Variants in DAB1 observed in about 807,000 individuals in gnomAD.
DAB1 encodes the protein disabled homolog 1.
DAB1 carries 15 observed loss-of-function variants against 64.6 expected under a neutral mutation model. The observed-to-expected ratio is 0.23, with a 90% CI of 0.16 to 0.36. The LOEUF is 0.36. Ranked by LOEUF, DAB1 falls within the 10% of genes least tolerant of loss-of-function variation. DAB1 has a pLI of 1.00. For missense variants in DAB1, 596 were observed against 706.7 expected (o/e 0.84, Z 1.78); for synonymous variants, 235 against 251.9 (o/e 0.93, Z 0.64).
chr1:58,462,142 C>T (rs1323802413), intron 3 of DAB1, among the ~76,000 whole-genome samples: 1 of 124,694 alleles, frequency 8.0e-6, no homozygotes, highest in Non-Finnish European at 1.6e-5. Context: ...TTTTTTGAGA[C>T]GGAGTCTCGC....
At chr1:58,182,520 A>T (rs1229698652) in intron 4 of DAB1, among the ~76,000 whole-genome samples, 1 of 151,904 alleles carries the variant, frequency 6.6e-6, no homozygotes, top group Non-Finnish European at 1.5e-5. Context: ...AGTCCTATTT[A>T]TCTATCTTCA....
At chr1:57,084,528 C>T (rs1003497044) in intron 4 of DAB1, among the ~76,000 whole-genome samples, 10 of 152,182 alleles carry the variant, frequency 6.6e-5, no homozygotes, top group African/African-American at 2.4e-4. Context: ...TTTTTATCTT[C>T]AGGTCCTTTT....
intron 1 of DAB1, among the ~76,000 whole-genome samples, chr1:57,340,891 T>C (rs1216704256): frequency 6.6e-6 from 1 of 152,194 alleles, no homozygotes; most frequent in Non-Finnish European, 1.5e-5. Context: ...AACACTCACT[T>C]TACCTCTTTT....
intron 4 of DAB1, among the ~76,000 whole-genome samples, chr1:57,080,133 C>T (rs1275225180): frequency 6.6e-6 from 1 of 152,174 alleles, no homozygotes; most frequent in Non-Finnish European, 1.5e-5. Flanking sequence ...GCATTAAGCA[C>T]ATTCACATTG....
chr1:57,595,447 G>A (rs945584562), intron 7 of DAB1, among the ~76,000 whole-genome samples: 2 of 152,116 alleles, frequency 1.3e-5, no homozygotes, highest in Non-Finnish European at 2.9e-5. Flanking sequence ...TATGTGGTAA[G>A]CAGTAGACGT....
intron 5 of DAB1, among the ~76,000 whole-genome samples, chr1:58,118,470 A>T (rs1477054185): frequency 1.5e-4 from 2 of 13,250 alleles, no homozygotes; most frequent in Admixed American, 1.1e-3. Context: ...ATCCTAAGGC[A>T]TATATATATA....
chr1:58,238,834 T>C (rs771494262), intron 4 of DAB1, among the ~76,000 whole-genome samples: 2 of 152,172 alleles, frequency 1.3e-5, no homozygotes, highest in African/African-American at 2.4e-5. Context: ...TGTGCTTTCT[T>C]ATACTTCTGC....
intron 1 of DAB1, among the ~76,000 whole-genome samples, chr1:57,854,851 T>C (rs1055724437): frequency 6.6e-6 from 1 of 152,200 alleles, no homozygotes; most frequent in Non-Finnish European, 1.5e-5. Flanking sequence ...GCCTTTTATG[T>C]GACTTCTTCA....
chr1:57,195,329 G>T (rs1174706882), intron 2 of DAB1, among the ~76,000 whole-genome samples: 1 of 152,072 alleles, frequency 6.6e-6, no homozygotes, highest in Non-Finnish European at 1.5e-5. Flanking sequence ...ATACTAAAGA[G>T]GACATTTTCT....
chr1:57,806,003 G>GA (rs1032178394), intron 6 of DAB1, among the ~76,000 whole-genome samples: 4 of 152,024 alleles, frequency 2.6e-5, no homozygotes, highest in Non-Finnish European at 5.9e-5. Flanking sequence ...TGCAATCTTG[G>GA]AAAAATAGAA....
At chr1:58,112,043 C>G (rs894197426) in intron 5 of DAB1, among the ~76,000 whole-genome samples, 1 of 152,196 alleles carries the variant, frequency 6.6e-6, no homozygotes, top group South Asian at 2.1e-4. Context: ...CCCTATCCCC[C>G]AGTGGCAATG....
intron 5 of DAB1, among the ~76,000 whole-genome samples, chr1:58,010,215 C>T (rs552446541): frequency 2.6e-5 from 4 of 152,170 alleles, no homozygotes; most frequent in South Asian, 2.1e-4. Flanking sequence ...AATGCAGATA[C>T]GATTATTCCC....
chr1:58,263,084 G>C (rs1329290678), intron 4 of DAB1, among the ~76,000 whole-genome samples: 1 of 152,096 alleles, frequency 6.6e-6, no homozygotes, highest in Non-Finnish European at 1.5e-5. Flanking sequence ...ACAATACCTT[G>C]TAAAATTACT....
chr1:58,406,721 A>C (rs60470704), intron 3 of DAB1, among the ~76,000 whole-genome samples: 43 of 15,426 alleles, frequency 2.8e-3, no homozygotes, highest in African/African-American at 0.018. Flanking sequence ...CCCCCCCCCC[A>C]ACTGCCACCA....
At chr1:57,375,295 A>G (rs1680807114) in intron 1 of DAB1, among the ~76,000 whole-genome samples, 1 of 152,096 alleles carries the variant, frequency 6.6e-6, no homozygotes, top group African/African-American at 2.4e-5. Context: ...CCTCACAACA[A>G]TCCCAAGTCA....
chr1:58,196,680 C>CA (rs1657693842), intron 4 of DAB1, among the ~76,000 whole-genome samples: 1 of 152,132 alleles, frequency 6.6e-6, no homozygotes, highest in Non-Finnish European at 1.5e-5. Context: ...ATTCATTAGG[C>CA]AGCAGGAGAG....
chr1:57,427,096 C>T (rs113572459), upstream of DAB1, among the ~76,000 whole-genome samples: 142 of 152,138 alleles, frequency 9.3e-4, no homozygotes, highest in African/African-American at 3.3e-3. Flanking sequence ...ATCTCCTGAC[C>T]TCATGATCCA....
intron 7 of DAB1, among the ~76,000 whole-genome samples, chr1:57,562,884 G>A (rs2805863): frequency 0.88 from 133,385 of 152,196 alleles, 60,104 homozygotes; most frequent in East Asian, 1. Context: ...TTACAGTGTT[G>A]GCTGGGGTGA....
chr1:57,897,539 G>T (rs1344501223), intron 5 of DAB1, among the ~76,000 whole-genome samples: 1 of 152,160 alleles, frequency 6.6e-6, no homozygotes, highest in Non-Finnish European at 1.5e-5. Context: ...ATGCCTTCAT[G>T]ATGGAGACCT....
Sources: gnomAD v4.1 joint callset for allele counts (sites outside exome capture counted in the v4.1 genomes callset) on GRCh38, gnomAD v4.1.1 for gene constraint, MANE v1.5 for transcripts, NCBI Gene and HGNC (gene_info 2026-07-23, HGNC 2026-07-21) for gene names.